KHDRBS2: variants seen among roughly 807,000 people sequenced by gnomAD.
KHDRBS2 encodes the protein KH domain-containing, RNA-binding, signal transduction-associated protein 2.
KHDRBS2 carries 26 observed loss-of-function variants against 44.3 expected under a neutral mutation model. That is an observed-to-expected ratio of 0.59 (90% CI 0.43 to 0.81). The LOEUF is 0.81. Ranked by LOEUF, KHDRBS2 falls within the 40% of genes least tolerant of loss-of-function variation. The pLI is 0.00. For missense variants in KHDRBS2, 476 were observed against 433.1 expected (o/e 1.10, Z -0.88); for synonymous variants, 194 against 151.1 (o/e 1.28, Z -2.08).
the KHDRBS2 span, among the ~76,000 whole-genome samples, chr6:61,628,821 T>A: frequency 6.6e-6 from 1 of 152,196 alleles, no homozygotes; most frequent in Non-Finnish European, 1.5e-5. Context: ...TTTTCTATTA[T>A]TGCAGGTTAT....
intron 1 of KHDRBS2, among the ~76,000 whole-genome samples, chr6:62,276,945 G>C (rs936259581): frequency 3.3e-5 from 5 of 152,110 alleles, no homozygotes; most frequent in Middle Eastern, 3.2e-3. Context: ...GCCTTAATTT[G>C]TTTAATTTGT....
intron 6 of KHDRBS2, among the ~76,000 whole-genome samples, chr6:61,881,496 A>T (rs532257532): frequency 6.6e-6 from 1 of 152,086 alleles, no homozygotes; most frequent in South Asian, 2.1e-4. Flanking sequence ...GATGTGGGAC[A>T]CACTGAAAGA....
At chr6:62,111,692 G>T (rs1805023581) in intron 2 of KHDRBS2, among the ~76,000 whole-genome samples, 1 of 151,890 alleles carries the variant, frequency 6.6e-6, no homozygotes, top group Non-Finnish European at 1.5e-5. Context: ...GACCAACCTG[G>T]GAAATATAGT....
At chr6:61,634,241 T>A in the KHDRBS2 span, among the ~76,000 whole-genome samples, 1 of 150,962 alleles carries the variant, frequency 6.6e-6, no homozygotes, top group Admixed American at 6.7e-5. Flanking sequence ...TAGAATGACT[T>A]GTGTCCACAA....
At chr6:61,669,324 A>G in the KHDRBS2 span, among the ~76,000 whole-genome samples, 1 of 150,880 alleles carries the variant, frequency 6.6e-6, no homozygotes, top group Admixed American at 6.6e-5. Context: ...TTTCATTTTT[A>G]CCCCTGACTC....
At chr6:61,631,806 G>T in the KHDRBS2 span, among the ~76,000 whole-genome samples, 2 of 151,996 alleles carry the variant, frequency 1.3e-5, no homozygotes, top group Admixed American at 1.3e-4. Flanking sequence ...AACACAAATC[G>T]TCTGAATGTG....
intron 1 of KHDRBS2, among the ~76,000 whole-genome samples, chr6:62,277,980 CATATA>C (rs1164352430): frequency 2.0e-5 from 3 of 152,042 alleles, no homozygotes; most frequent in Non-Finnish European, 4.4e-5. Flanking sequence ...ATGAGGAAGC[CATATA>C]ATATGGATAT....
In KHDRBS2 at chr6:62,132,662, A is replaced by G. The variant is rs116224101; in HGVS notation, c.219+44523T>C. Among the ~76,000 whole-genome samples, 292 of 152,274 alleles carry G rather than the reference A, an allele frequency of 1.9e-3. 2 individuals are homozygous for G. Among genetic ancestry groups the G allele is most frequent in the African/African-American group, 6.4e-3 (264 of 41,554 alleles). On this transcript the variant is annotated intron_variant, in intron 2 of 8. Transcript: ENST00000281156. ...TTAAAAATAAATCTGCCCCATAAAA[A>G]CCTATCAACCATTATGTTGCTGTTT...
intron 4 of KHDRBS2, among the ~76,000 whole-genome samples, chr6:61,954,653 T>G (rs1213895138): frequency 1.5e-5 from 2 of 131,498 alleles, no homozygotes; most frequent in African/African-American, 2.9e-5. Context: ...TACTTATGTA[T>G]ACATACATAT....
At chr6:62,241,824 G>A (rs1321222018) in intron 1 of KHDRBS2, among the ~76,000 whole-genome samples, 1 of 152,044 alleles carries the variant, frequency 6.6e-6, no homozygotes, top group Non-Finnish European at 1.5e-5. Flanking sequence ...ACAGTAGAAG[G>A]GCAAATAGGT....
At chr6:62,014,600 G>A (rs1780876102) in intron 3 of KHDRBS2, among the ~76,000 whole-genome samples, 1 of 152,076 alleles carries the variant, frequency 6.6e-6, no homozygotes, top group Non-Finnish European at 1.5e-5. Context: ...AATTCATATA[G>A]TAATGAAAGA....
At chr6:62,143,866 A>C in intron 2 of KHDRBS2, among the ~76,000 whole-genome samples, 1 of 151,902 alleles carries the variant, frequency 6.6e-6, no homozygotes, top group Non-Finnish European at 1.5e-5. Context: ...GTGTTGGGAA[A>C]AATTACATGG....
intron 6 of KHDRBS2, among the ~76,000 whole-genome samples, chr6:61,826,839 C>T (rs497674): frequency 0.57 from 87,081 of 151,854 alleles, 25,121 homozygotes; most frequent in South Asian, 0.68. Context: ...AAGCAGAGGA[C>T]TTTCATAATT....
intron 6 of KHDRBS2, among the ~76,000 whole-genome samples, chr6:61,817,276 G>T (rs557638325): frequency 5.7e-4 from 86 of 152,144 alleles, no homozygotes; most frequent in Non-Finnish European, 5.6e-4. Flanking sequence ...ACCACTTTAT[G>T]ATTTTCTTGT....
chr6:61,900,696 G>T (rs1235088484), intron 5 of KHDRBS2, among the ~76,000 whole-genome samples: 2 of 152,154 alleles, frequency 1.3e-5, no homozygotes, highest in African/African-American at 2.4e-5. Context: ...TTTCTGGGCT[G>T]ATGGCATATA....
intron 7 of KHDRBS2, among the ~76,000 whole-genome samples, chr6:61,725,740 C>T (rs1315005193): frequency 2.6e-5 from 4 of 151,862 alleles, no homozygotes; most frequent in African/African-American, 9.7e-5. Context: ...TAAGACTAAG[C>T]TAGGAAGAAA....
At chr6:62,190,815 T>C (rs1006094735) in intron 1 of KHDRBS2, among the ~76,000 whole-genome samples, 5 of 151,838 alleles carry the variant, frequency 3.3e-5, no homozygotes, top group African/African-American at 1.2e-4. Flanking sequence ...TGAGCAAGAG[T>C]TACTCCCTGG....
chr6:62,059,314 G>GA (rs1245478862), intron 2 of KHDRBS2, among the ~76,000 whole-genome samples: 7 of 129,610 alleles, frequency 5.4e-5, no homozygotes, highest in Admixed American at 9.4e-5. Context: ...TTCCAAAAAA[G>GA]AAAAAACATA....
intron 6 of KHDRBS2, among the ~76,000 whole-genome samples, chr6:61,741,543 G>A (rs909088762): frequency 2.6e-5 from 4 of 151,852 alleles, no homozygotes; most frequent in African/African-American, 9.7e-5. Context: ...GTATTTTGCT[G>A]CGGTTTGGGG....
Sources: allele counts gnomAD v4.1 joint callset (sites outside exome capture counted in the v4.1 genomes callset), GRCh38; gene constraint gnomAD v4.1.1; transcripts MANE v1.5; gene names NCBI Gene and HGNC (gene_info 2026-07-23, HGNC 2026-07-21).